Variants in CLASP1 observed in about 807,000 individuals in gnomAD.
The protein encoded by CLASP1 is cytoplasmic linker associated protein 1, also known as CLIP-associating protein 1.
Under a neutral mutation model 192.3 loss-of-function variants are expected in CLASP1, and 38 were observed. The observed-to-expected ratio is 0.20, with a 90% CI of 0.15 to 0.26. The LOEUF is 0.26. Ranked by LOEUF, CLASP1 falls within the 10% of genes least tolerant of loss-of-function variation. The probability of loss-of-function intolerance (pLI) is 1.00; values close to 1 mark genes in which losing one functional copy is unlikely to be tolerated. For missense variants in CLASP1, 1,433 were observed against 1,932.5 expected (o/e 0.74, Z 4.85); for synonymous variants, 691 against 712.8 (o/e 0.97, Z 0.49).
intron 2 of CLASP1, among the ~76,000 whole-genome samples, chr2:121,573,026 C>A (rs992235077): frequency 6.6e-6 from 1 of 152,212 alleles, no homozygotes. Context: ...GTGGTACAAT[C>A]TCAGCTCACT....
chr2:121,447,485 A>T, exon 19 of CLASP1: 3 of 1,554,214 alleles, frequency 1.9e-6, no homozygotes, highest in Middle Eastern at 1.7e-4. Flanking sequence ...TCGTTGACAC[A>T]GATTTGGTAC....
intron 2 of CLASP1, among the ~76,000 whole-genome samples, chr2:121,555,049 A>T (rs1031332857): frequency 1.3e-5 from 2 of 152,212 alleles, no homozygotes; most frequent in Non-Finnish European, 2.9e-5. Context: ...GCCCTGGGTC[A>T]GGAACTGAGA....
intron 8 of CLASP1, among the ~76,000 whole-genome samples, chr2:121,492,679 A>T (rs981397924): frequency 2.0e-5 from 3 of 151,958 alleles, no homozygotes; most frequent in African/African-American, 7.2e-5. Context: ...AAAAATAAAA[A>T]AAAAAAAAAA....
chr2:121,387,748 G>C lies in CLASP1; in HGVS notation c.3267+15C>G. 6.2e-7 allele frequency: 1 copy of C among 1,613,752 alleles called. No homozygotes were observed. Among genetic ancestry groups the C allele is most frequent in the Non-Finnish European group, 8.5e-7 (1 of 1,179,712 alleles). On this transcript the variant is annotated intron_variant, in intron 31 of 39. Transcript: ENST00000263710. ...TGGACATCACATAGGCACCAATCGT[G>C]ACCAAAGCACTCACCACACTGGTGT...
intron 26 of CLASP1, chr2:121,403,335 G>A: frequency 2.2e-6 from 1 of 451,490 alleles, no homozygotes; most frequent in South Asian, 1.6e-5. Context: ...CCCCAGAGCA[G>A]GTACTCAGTA....
chr2:121,463,933 G>A (rs916900562), intron 9 of CLASP1, among the ~76,000 whole-genome samples: 3 of 151,550 alleles, frequency 2.0e-5, no homozygotes, highest in Admixed American at 6.6e-5. Flanking sequence ...CCATGCTGGT[G>A]CGCTGCACCC....
At chr2:121,431,240 TAAG>T (rs2081342292) in intron 19 of CLASP1, among the ~76,000 whole-genome samples, 1 of 152,134 alleles carries the variant, frequency 6.6e-6, no homozygotes, top group African/African-American at 2.4e-5. Context: ...TAAAACTAGT[TAAG>T]AATCAATGAC....
At chr2:121,454,075 C>A (rs1470640185) in intron 14 of CLASP1, among the ~76,000 whole-genome samples, 2 of 152,194 alleles carry the variant, frequency 1.3e-5, no homozygotes, top group East Asian at 3.9e-4. Context: ...GTCACAATAA[C>A]TGTAGGGTGC....
At chr2:121,497,989 T>G (rs1037680524) in intron 8 of CLASP1, among the ~76,000 whole-genome samples, 1 of 151,992 alleles carries the variant, frequency 6.6e-6, no homozygotes, top group Non-Finnish European at 1.5e-5. Flanking sequence ...CCTCCCAAAG[T>G]GCTGGGATTA....
chr2:121,479,028 A>AC (rs2092340640), intron 8 of CLASP1, among the ~76,000 whole-genome samples: 5 of 44,364 alleles, frequency 1.1e-4, no homozygotes, highest in African/African-American at 5.2e-4. Context: ...ACACACACAC[A>AC]CACCCCACAC....
chr2:121,407,578 A>T (rs574677194), exon 25 of CLASP1: 9 of 1,613,994 alleles, frequency 5.6e-6, no homozygotes, highest in Non-Finnish European at 7.6e-6. Flanking sequence ...CTACATCCTC[A>T]GTCTGCCGCA....
At chr2:121,392,200 A>G (rs1316881159) in intron 30 of CLASP1, among the ~76,000 whole-genome samples, 2 of 152,234 alleles carry the variant, frequency 1.3e-5, no homozygotes, top group African/African-American at 2.4e-5. Context: ...AGAGAGTCAC[A>G]TGTGATAAGC....
At chr2:121,611,504 A>T (rs2065478773) in intron 1 of CLASP1, among the ~76,000 whole-genome samples, 1 of 137,426 alleles carries the variant, frequency 7.3e-6, no homozygotes, top group Non-Finnish European at 1.6e-5. Flanking sequence ...CAGGAAGAAG[A>T]GGAACTGGAG....
intron 7 of CLASP1, among the ~76,000 whole-genome samples, chr2:121,512,452 C>T (rs971217628): frequency 5.3e-5 from 8 of 152,162 alleles, no homozygotes; most frequent in African/African-American, 1.7e-4. Context: ...AACATATATA[C>T]ATGAACTATA....
At chr2:121,367,782 C>T (rs1223872822) in exon 35 of CLASP1, 2 of 1,612,308 alleles carry the variant, frequency 1.2e-6, no homozygotes, top group African/African-American at 1.3e-5. Context: ...TACTTCACTA[C>T]CCCCCCGGCC....
In CLASP1 at chr2:121,403,501, T is replaced by C. The variant is rs555569029; in HGVS notation, c.2733+870A>G. 8.5e-5 allele frequency: 39 copies of C among 456,784 alleles called. No homozygotes were observed. In the East Asian group the frequency reaches 2.2e-3, roughly 25 times the overall value. The allele number at this position is 456,784 out of a possible 1,614,324, so 28.3% of individuals were successfully genotyped here. ...ACAGGTTTCTTTCTTCCAGCAAGAC[T>C]TGGAGGAGCCCATCTTTACTAGGAA... is the stretch of plus-strand genomic sequence containing the variant. On this transcript the variant is annotated intron_variant, in intron 26 of 39. Transcript: ENST00000263710.
intron 2 of CLASP1, among the ~76,000 whole-genome samples, chr2:121,531,202 C>T (rs1194561565): frequency 2.0e-5 from 3 of 152,096 alleles, no homozygotes; most frequent in Non-Finnish European, 4.4e-5. Context: ...TTACGCCGAT[C>T]ATCAACTGTT....
rs1025661723 is a variant in CLASP1 at position 121,609,686 on chromosome 2, T to C, written c.-285-3506A>G. ...GGCCGGGCGCAGTGGCTCAAGCCTG[T>C]AATCCCAAGACTTTGGGAGGCTGAG... On this transcript the variant is annotated intron_variant, in intron 1 of 39. Coordinates refer to ENST00000263710, the Ensembl canonical transcript of CLASP1. Among the ~76,000 whole-genome samples the C allele has an allele frequency of 9.9e-5, 15 of 152,230 alleles. 1 individual carries two copies. The highest frequency in any genetic ancestry group is 7.2e-4 in the Admixed American group (11 of 15,286).
At chr2:121,482,510 T>C (rs564291555) in intron 8 of CLASP1, among the ~76,000 whole-genome samples, 1 of 152,164 alleles carries the variant, frequency 6.6e-6, no homozygotes, top group South Asian at 2.1e-4. Flanking sequence ...AGAGTATCTC[T>C]AAACATATGT....
Sources: gnomAD v4.1 joint callset for allele counts (sites outside exome capture counted in the v4.1 genomes callset) on GRCh38, gnomAD v4.1.1 for gene constraint, MANE v1.5 for transcripts, NCBI Gene and HGNC (gene_info 2026-07-23, HGNC 2026-07-21) for gene names.